SUPT6H: variants seen among roughly 807,000 people sequenced by gnomAD.
The protein encoded by SUPT6H is SPT6 homolog, histone chaperone and transcription elongation factor, also known as transcription elongation factor SPT6.
Under a neutral mutation model 222.3 loss-of-function variants are expected in SUPT6H, and 11 were observed. The ratio of observed to expected loss-of-function variants is 0.05; its 90% confidence interval spans 0.03 to 0.08. SUPT6H has a LOEUF of 0.08. SUPT6H is among the 10% of genes least tolerant of loss of function. The probability of loss-of-function intolerance (pLI) is 1.00; values close to 1 mark genes in which losing one functional copy is unlikely to be tolerated. For synonymous variants in SUPT6H, 762 were observed against 801.2 expected (o/e 0.95, Z 0.83); for missense variants, 1,422 against 2,216.0 (o/e 0.64, Z 7.19).
chr17:28,668,545 AAG>A (rs1390053810), intron 1 of SUPT6H, among the ~76,000 whole-genome samples: 2 of 152,224 alleles, frequency 1.3e-5, no homozygotes, highest in African/African-American at 2.4e-5. Flanking sequence ...GATGGGAAGA[AAG>A]AGAACACAGC....
At chr17:28,693,018 A>AT (rs1322779397) in intron 27 of SUPT6H, among the ~76,000 whole-genome samples, 1 of 148,860 alleles carries the variant, frequency 6.7e-6, no homozygotes, top group Admixed American at 6.7e-5. Flanking sequence ...AAAAAAAAAA[A>AT]GATTACCCAG....
Position 28,697,747 on chromosome 17 carries a change from C to T in SUPT6H, c.4323+14C>T, listed in dbSNP as rs757626010. 6.2e-7 allele frequency: 1 copy of T among 1,613,188 alleles called. No homozygotes were observed. The highest frequency in any genetic ancestry group is 8.5e-7 in the Non-Finnish European group (1 of 1,179,222). ...GGGGACCGCAAGGTAAGCCCAGGGCCCTCTGAGGAATGACACTTGCCAATC... is the reference window on the plus strand; with the variant it reads ...GGGGACCGCAAGGTAAGCCCAGGGCTCTCTGAGGAATGACACTTGCCAATC... On this transcript the variant is annotated intron_variant, in intron 31 of 36. Coordinates refer to ENST00000314616, the MANE Select transcript of SUPT6H (RefSeq NM_003170.5).
chr17:28,682,818 C>G lies in SUPT6H; in HGVS notation c.1689C>G (p.Pro563=). 6.2e-7 allele frequency: 1 copy of G among 1,614,140 alleles called. No individual in the cohort carries two copies. The highest frequency in any genetic ancestry group is 8.5e-7 in the Non-Finnish European group (1 of 1,180,034). ...SYQRHETEQF[P]AEPLELAKDY... is the part of the protein sequence containing the mutation. ...AGCGGCACGAGACAGAGCAGTTTCC[C>G]GCGGAGCCCTTGGAGCTGGCCAAGG... Residue 563 remains proline, a synonymous_variant, in exon 14 of 37, where the codon CCC becomes CCG. Coordinates refer to ENST00000314616, the MANE Select transcript of SUPT6H (RefSeq NM_003170.5).
At chr17:28,682,363 C>T (rs541219790) in intron 13 of SUPT6H, among the ~76,000 whole-genome samples, 7 of 152,214 alleles carry the variant, frequency 4.6e-5, no homozygotes, top group South Asian at 2.1e-4. Context: ...CAGTGGCTCA[C>T]GCATGTAATC....
chr17:28,676,369 G>A lies in SUPT6H; in HGVS notation c.836G>A (p.Ser279Asn), dbSNP rs752749244. The A allele has an allele frequency of 6.9e-5, 112 of 1,613,574 alleles. No individual in the cohort carries two copies. Among genetic ancestry groups the A allele is most frequent in the Non-Finnish European group, 8.9e-5 (105 of 1,179,990 alleles). The change falls in exon 7 of 37, where the codon AGC becomes AAC. Residue 279 changes from serine to asparagine, a missense_variant. Around this residue, in one of 13 missense-constraint regions of SUPT6H, gnomAD observed 389 missense variants for 544.6 expected, o/e 0.71. Coordinates refer to ENST00000314616, the MANE Select transcript of SUPT6H (RefSeq NM_003170.5). Reference sequence around the variant, plus strand: ...ATGTATGAGCCCAGTGAGCTAGAAAGCAGCCACCTCACAGATCAGGACAAT... The same window carrying A: ...ATGTATGAGCCCAGTGAGCTAGAAAACAGCCACCTCACAGATCAGGACAAT... Reference protein sequence around the residue: ...FEMYEPSELESSHLTDQDNEI... With the variant: ...FEMYEPSELENSHLTDQDNEI...
intron 1 of SUPT6H, among the ~76,000 whole-genome samples, chr17:28,668,436 C>A: frequency 6.6e-6 from 1 of 152,208 alleles, no homozygotes; most frequent in Admixed American, 6.5e-5. Flanking sequence ...GTCAGAATTG[C>A]TTCTGGCACA....
chr17:28,691,145 G>T (rs1210945364), intron 27 of SUPT6H, 82 bp downstream of exon 27: 2 of 1,507,248 alleles, frequency 1.3e-6, no homozygotes, highest in South Asian at 2.4e-5. Context: ...AGAAATGAGG[G>T]TGTTCTAGAT....
rs144138350 is a variant in SUPT6H at position 28,690,943 on chromosome 17, C to T, written c.3513C>T (p.Val1171=). The T allele has an allele frequency of 4.3e-6, 7 of 1,613,676 alleles. No homozygotes were observed. The African/African-American group carries it at 9.3e-5, about 22-fold the overall frequency. ...FYIGKLIICN[V]TGIAHRRPQG... ...CAGGAAAGCTCATCATCTGCAATGTCACTGGCATTGCCCACAGGCGTCCCC... is the reference window on the plus strand; with the variant it reads ...CAGGAAAGCTCATCATCTGCAATGTTACTGGCATTGCCCACAGGCGTCCCC... Residue 1171 remains valine (V), a synonymous_variant, in exon 27 of 37, where the codon GTC becomes GTT. Transcript: ENST00000314616.
intron 25 of SUPT6H, 115 bp downstream of exon 25, chr17:28,689,676 T>C: frequency 1.0e-6 from 1 of 1,000,820 alleles, no homozygotes; most frequent in Non-Finnish European, 1.5e-6. Flanking sequence ...ATGGCAGACT[T>C]GATCCTCATC....
chr17:28,695,057 A>G (rs1287179710), intron 28 of SUPT6H: 1 of 318,632 alleles, frequency 3.1e-6, no homozygotes, highest in Non-Finnish European at 5.9e-6. Flanking sequence ...CCTTGGGAGC[A>G]GTAACTAGGC....
intron 17 of SUPT6H, among the ~76,000 whole-genome samples, chr17:28,684,232 G>A (rs567026969): frequency 1.1e-4 from 16 of 152,146 alleles, no homozygotes; most frequent in African/African-American, 2.9e-4. Context: ...CTTAGGAATA[G>A]TCCCATAGCT....
At chr17:28,673,164 AAAAG>A (rs1477758762) in intron 1 of SUPT6H, among the ~76,000 whole-genome samples, 1 of 151,954 alleles carries the variant, frequency 6.6e-6, no homozygotes, top group Non-Finnish European at 1.5e-5. Context: ...AAAAAAAAAA[AAAAG>A]TACATATGAG....
chr17:28,698,922 T>G (rs2032031224), intron 32 of SUPT6H, among the ~76,000 whole-genome samples: 1 of 151,196 alleles, frequency 6.6e-6, no homozygotes, highest in Admixed American at 6.6e-5. Context: ...CTGTGTCCTG[T>G]GTGGAACAGT....
At position 28,662,245 on chromosome 17, in the gene SUPT6H, G is replaced by A. The variant is rs1043025586; in HGVS notation, c.-129G>A. 1 of 205,506 alleles carries A rather than the reference G, an allele frequency of 4.9e-6. No individual in the cohort carries two copies. The highest frequency in any genetic ancestry group is 1.2e-4 in the East Asian group (1 of 8,152). The allele number at this position is 205,506 out of a possible 1,614,324, so 12.7% of individuals were successfully genotyped here. The stretch of plus-strand genomic sequence containing the variant: ...GCGGCGGTGGCGGCGGAGGGGCCGT[G>A]CGGTGGGTCCGTACTATCTTTTCCC... On this transcript the variant is annotated 5_prime_UTR_variant, in exon 1 of 37. Coordinates refer to ENST00000314616, the MANE Select transcript of SUPT6H (RefSeq NM_003170.5).
At chr17:28,662,590 C>T (rs964531738) in intron 1 of SUPT6H, among the ~76,000 whole-genome samples, 13 of 152,156 alleles carry the variant, frequency 8.5e-5, no homozygotes, top group Non-Finnish European at 1.8e-4. Flanking sequence ...CAACAGGCTT[C>T]CTGGCATCCC....
chr17:28,683,232 A>T (rs1567695284), intron 15 of SUPT6H, 36 bp from the exon 16 acceptor site: 4 of 1,608,076 alleles, frequency 2.5e-6, no homozygotes, highest in Non-Finnish European at 2.6e-6. Flanking sequence ...GGCCCAGCCC[A>T]TCCGCAGGCT....
At chr17:28,701,216 C>G (rs914077242) in intron 36 of SUPT6H, 88 bp downstream of exon 36, 1 of 1,503,040 alleles carries the variant, frequency 6.7e-7, no homozygotes, top group African/African-American at 1.4e-5. Flanking sequence ...GGCAGGTGCT[C>G]TGGATCCTCT....
chr17:28,663,828 A>ATTTTCTTTTTTTTTTTTTTTTTTTTT (rs2072113767), intron 1 of SUPT6H, among the ~76,000 whole-genome samples: 2 of 38,374 alleles, frequency 5.2e-5, no homozygotes, highest in Non-Finnish European at 9.4e-5. Flanking sequence ...TGCCCACTCC[A>ATTTTCTTTTTTTTTTTTTTTTTTTTT]TTTTTTTTTT....
At chr17:28,678,381 C>T (rs932709434) in intron 9 of SUPT6H, among the ~76,000 whole-genome samples, 164 bp from the exon 10 acceptor site, 1 of 152,160 alleles carries the variant, frequency 6.6e-6, no homozygotes, top group East Asian at 1.9e-4. Flanking sequence ...TTTATTTTCT[C>T]CTATTGAGGA....
Sources: gnomAD v4.1 joint callset for allele counts (sites outside exome capture counted in the v4.1 genomes callset) on GRCh38, gnomAD v4.1.1 for gene constraint, gnomAD v4.1.1 regional missense constraint, MANE v1.5 for transcripts, NCBI Gene and HGNC (gene_info 2026-07-23, HGNC 2026-07-21) for gene names.